Variants in NKD1 observed in about 807,000 individuals in gnomAD.
The protein encoded by NKD1 is protein naked cuticle homolog 1.
Under a neutral mutation model 56.0 loss-of-function variants are expected in NKD1, and 21 were observed. The observed-to-expected ratio is 0.38, with a 90% confidence interval of 0.27 to 0.54. NKD1 has a LOEUF of 0.54. Ranked by LOEUF, NKD1 falls within the 20% of genes least tolerant of loss-of-function variation. The pLI, the probability that NKD1 is intolerant of heterozygous loss-of-function variation, is 0.82. For missense variants in NKD1, 578 were observed against 642.7 expected, an observed-to-expected ratio of 0.90 and a Z score of 1.09; for synonymous variants, 263 against 265.7, an observed-to-expected ratio of 0.99 and a Z score of 0.10.
chr16:50,604,984 A>C (rs1401209902), intron 3 of NKD1, among the ~76,000 whole-genome samples: 1 of 152,134 alleles, frequency 6.6e-6, no homozygotes, highest in South Asian at 2.1e-4. Flanking sequence ...TTTAGGTGTG[A>C]TCCTTGGTCC....
intron 3 of NKD1, among the ~76,000 whole-genome samples, chr16:50,582,209 C>A (rs1961131954): frequency 6.6e-6 from 1 of 152,138 alleles, no homozygotes; most frequent in Admixed American, 6.5e-5. Flanking sequence ...GAATCTGGAG[C>A]TGTTTGCTAA....
At chr16:50,576,462 T>G (rs986651942) in intron 3 of NKD1, among the ~76,000 whole-genome samples, 4 of 152,216 alleles carry the variant, frequency 2.6e-5, no homozygotes, top group Non-Finnish European at 5.9e-5. Flanking sequence ...AAATGGTGAT[T>G]GTTCAGAAGT....
chr16:50,599,043 C>T (rs906319336), intron 3 of NKD1, among the ~76,000 whole-genome samples: 5 of 151,920 alleles, frequency 3.3e-5, no homozygotes, highest in Admixed American at 6.6e-5. Context: ...GCAGAGACTC[C>T]GACAAGCGCT....
chr16:50,574,308 G>T, intron 3 of NKD1: 1 of 985,398 alleles, frequency 1.0e-6, no homozygotes, highest in Non-Finnish European at 1.2e-6. Flanking sequence ...GGAAATGTGG[G>T]TGTGAGTCAG....
At chr16:50,550,641 C>T (rs867247791) in intron 3 of NKD1, among the ~76,000 whole-genome samples, 2 of 152,012 alleles carry the variant, frequency 1.3e-5, no homozygotes, top group African/African-American at 2.4e-5. Flanking sequence ...TTCTGTTGGC[C>T]GGGTCGGACT....
At chr16:50,620,929 C>T (rs1429108013) in intron 4 of NKD1, among the ~76,000 whole-genome samples, 1 of 152,148 alleles carries the variant, frequency 6.6e-6, no homozygotes, top group Non-Finnish European at 1.5e-5. Context: ...GATGAGCGTG[C>T]TCCCTGAAGA....
At chr16:50,565,103 T>C (rs574883873) in intron 3 of NKD1, among the ~76,000 whole-genome samples, 24 of 152,244 alleles carry the variant, frequency 1.6e-4, no homozygotes, top group African/African-American at 2.6e-4. Flanking sequence ...AGGCTGGGTG[T>C]GGTGGCTCAT....
chr16:50,613,003 G>C (rs567214150), intron 4 of NKD1, among the ~76,000 whole-genome samples: 3 of 152,172 alleles, frequency 2.0e-5, no homozygotes, highest in Non-Finnish European at 4.4e-5. Context: ...GGGAGCTTGG[G>C]GCTGGGGAGA....
At chr16:50,548,694 G>A (rs1422131573) in intron 1 of NKD1, 23 bp from the exon 2 acceptor site, 4 of 1,463,364 alleles carry the variant, frequency 2.7e-6, no homozygotes, top group Admixed American at 2.6e-5. Context: ...CGCCGCCGCC[G>A]CCGCCTCGCG....
chr16:50,555,547 A>G, intron 3 of NKD1: 1 of 152,316 alleles, frequency 6.6e-6, no homozygotes, highest in Non-Finnish European at 1.5e-5. Flanking sequence ...GCTGCGGAGG[A>G]CCTGTGGGGT....
At chr16:50,616,104 A>C (rs534900062) in intron 4 of NKD1, 138 of 455,872 alleles carry the variant, frequency 3.0e-4, no homozygotes, top group African/African-American at 2.7e-3. Context: ...TGAGACTAAA[A>C]TATTTGCAGC....
intron 3 of NKD1, among the ~76,000 whole-genome samples, chr16:50,578,202 A>G (rs1961030704): frequency 6.6e-6 from 1 of 152,182 alleles, no homozygotes; most frequent in Non-Finnish European, 1.5e-5. Flanking sequence ...ATAAGAGAGT[A>G]GAAAAACTCT....
chr16:50,579,602 C>T (rs1187344208), intron 3 of NKD1, among the ~76,000 whole-genome samples: 1 of 132,828 alleles, frequency 7.5e-6, no homozygotes, highest in Admixed American at 7.2e-5. Context: ...CTACCCGCTA[C>T]ACACGCACTC....
At chr16:50,619,650 T>C (rs974469910) in intron 4 of NKD1, among the ~76,000 whole-genome samples, 12 of 152,272 alleles carry the variant, frequency 7.9e-5, no homozygotes, top group Admixed American at 2.6e-4. Context: ...TTACTACTTA[T>C]GGCCAGACCT....
Position 50,549,482 on chromosome 16 carries a change from G to C in NKD1, c.119G>C (p.Arg40Thr), listed in dbSNP as rs1294787740. ...ARKGIEEWIG[R>T]QRCPGGVSGP... ...AAGGGCATCGAGGAGTGGATCGGGA[G>C]ACAGCGCTGCCCGGGCGGTGTCTCG... The change falls in exon 3 of 10, where the codon AGA becomes ACA. Residue 40 changes from arginine (R) to threonine (T), a missense_variant. Coordinates refer to ENST00000268459, the MANE Select transcript of NKD1 (RefSeq NM_033119.5). 1 of 1,610,832 alleles carries C rather than the reference G, an allele frequency of 6.2e-7. No homozygotes were observed. Among genetic ancestry groups the C allele is most frequent in the East Asian group, 2.2e-5 (1 of 44,574 alleles).
Position 50,549,446 on chromosome 16 carries a change from CCTGGG to C in NKD1, c.86_90del (p.Trp29SerfsTer62). 6.2e-7 allele frequency: 1 copy of C among 1,611,462 alleles called. No homozygotes were observed. The highest frequency in any genetic ancestry group is 2.2e-5 in the East Asian group (1 of 44,518). ...GGTGACAGCTTCGCCGTGAGCGCTG[CCTGGG>C]CTCGGAAGGGCATCGAGGAGTGGAT... On this transcript the variant is annotated frameshift_variant, in exon 3 of 10. Transcript: ENST00000268459. LOFTEE classifies it high-confidence loss of function.
intron 3 of NKD1, chr16:50,562,288 C>T (rs960900940): frequency 9.2e-6 from 9 of 982,550 alleles, no homozygotes; most frequent in Middle Eastern, 5.2e-4. Context: ...GTGAAAAAGT[C>T]TATTCAGGCC....
At chr16:50,604,360 G>A (rs1214888008) in intron 3 of NKD1, among the ~76,000 whole-genome samples, 3 of 152,204 alleles carry the variant, frequency 2.0e-5, no homozygotes, top group Non-Finnish European at 2.9e-5. Context: ...TTCTGGGCAG[G>A]ATGGGGCATG....
At position 50,633,511 on chromosome 16, in the gene NKD1, C is replaced by A. The variant is rs776208610; in HGVS notation, c.1143C>A (p.Ser381=). 7 of 1,610,420 alleles carry A rather than the reference C, an allele frequency of 4.3e-6. No homozygotes were observed. The highest frequency in any genetic ancestry group is 1.6e-4 in the Middle Eastern group (1 of 6,070). ...CCGCCATCCCTGCGGTGTCCCCCTCCGCCCACCTGGCTGCCAGCCCGGCCC... is the reference window on the plus strand; with the variant it reads ...CCGCCATCCCTGCGGTGTCCCCCTCAGCCCACCTGGCTGCCAGCCCGGCCC... ...LGPAIPAVSP[S]AHLAASPALL... The change falls in exon 10 of 10, where the codon TCC becomes TCA. Residue 381 remains serine (S), a synonymous_variant. Coordinates refer to ENST00000268459, the MANE Select transcript of NKD1 (RefSeq NM_033119.5). The surrounding 1 kb of genome is among the most constrained non-coding windows in gnomAD (Gnocchi z 4.9).
Sources: allele counts gnomAD v4.1 joint callset (sites outside exome capture counted in the v4.1 genomes callset), GRCh38; gene constraint gnomAD v4.1.1; non-coding constraint Gnocchi (gnomAD v3.1); transcripts MANE v1.5; gene names NCBI Gene and HGNC (gene_info 2026-07-23, HGNC 2026-07-21).